Variants in TENM2 observed in about 807,000 individuals in gnomAD.
TENM2 encodes the protein teneurin transmembrane protein 2.
TENM2 carries 52 observed loss-of-function variants against 245.2 expected under a neutral mutation model. The observed-to-expected ratio is 0.21, with a 90% CI of 0.17 to 0.27. The LOEUF (loss-of-function observed/expected upper bound fraction) is 0.27, where lower values mean the gene tolerates loss of function less well. TENM2 is among the 10% of genes least tolerant of loss of function. TENM2 has a pLI of 1.00. For synonymous variants in TENM2, 1,363 were observed against 1,438.9 expected, an observed-to-expected ratio of 0.95 and a Z score of 1.19; for missense variants, 3,046 against 3,666.8, an observed-to-expected ratio of 0.83 and a Z score of 4.37.
intron 2 of TENM2, among the ~76,000 whole-genome samples, chr5:167,629,278 T>A (rs1778712964): frequency 6.6e-6 from 1 of 152,218 alleles, no homozygotes; most frequent in South Asian, 2.1e-4. Flanking sequence ...TTTCTTAATG[T>A]CTACATGCCT....
intron 3 of TENM2, among the ~76,000 whole-genome samples, chr5:167,879,667 T>C (rs778608210): frequency 1.3e-5 from 2 of 152,122 alleles, no homozygotes; most frequent in Non-Finnish European, 2.9e-5. Context: ...CTGTGAAACA[T>C]TGAGGTTTTT....
the TENM2 span, among the ~76,000 whole-genome samples, chr5:167,058,092 A>C: frequency 7.6e-4 from 115 of 152,222 alleles, no homozygotes; most frequent in Middle Eastern, 3.4e-3. Flanking sequence ...AGTTTGACCA[A>C]TGACCTCACT....
chr5:167,598,829 C>A (rs1776399532), intron 2 of TENM2, among the ~76,000 whole-genome samples: 1 of 152,016 alleles, frequency 6.6e-6, no homozygotes, highest in Admixed American at 6.6e-5. Context: ...AAAAGTGATT[C>A]TCTTAAACTG....
At chr5:167,274,581 CTTTCT>C in the TENM2 span, among the ~76,000 whole-genome samples, 1 of 148,232 alleles carries the variant, frequency 6.7e-6, no homozygotes, top group East Asian at 2.0e-4. Flanking sequence ...TTCTTTCTTT[CTTTCT>C]TTTTTTTTTT....
At chr5:167,279,060 GT>G in the TENM2 span, among the ~76,000 whole-genome samples, 1 of 152,146 alleles carries the variant, frequency 6.6e-6, no homozygotes, top group South Asian at 2.1e-4. Flanking sequence ...TAGGATTGTA[GT>G]TTGAAGATTC....
At chr5:167,605,936 A>T (rs1014055664) in intron 2 of TENM2, among the ~76,000 whole-genome samples, 1 of 152,166 alleles carries the variant, frequency 6.6e-6, no homozygotes, top group Non-Finnish European at 1.5e-5. Context: ...AGAAATTTGT[A>T]GTGTTAAAAG....
intron 1 of TENM2, among the ~76,000 whole-genome samples, chr5:167,367,453 G>A (rs1234725253): frequency 6.6e-6 from 1 of 152,030 alleles, no homozygotes; most frequent in Non-Finnish European, 1.5e-5. Context: ...AGGATTTTGG[G>A]TGAACAGTTT....
chr5:168,095,518 CT>C (rs1342230466), intron 8 of TENM2, among the ~76,000 whole-genome samples: 2 of 152,214 alleles, frequency 1.3e-5, no homozygotes, highest in Non-Finnish European at 2.9e-5. Context: ...CCTTTCGTTA[CT>C]CCATCTCAGT....
intron 5 of TENM2, among the ~76,000 whole-genome samples, chr5:168,033,933 A>G (rs1407883329): frequency 6.6e-6 from 1 of 151,882 alleles, no homozygotes; most frequent in Non-Finnish European, 1.5e-5. Flanking sequence ...AGGCTGAGGC[A>G]GGAGAATGGC....
At chr5:167,739,654 G>A (rs1252806166) in intron 2 of TENM2, among the ~76,000 whole-genome samples, 1 of 152,222 alleles carries the variant, frequency 6.6e-6, no homozygotes, top group Non-Finnish European at 1.5e-5. Flanking sequence ...GTTCAAGGAA[G>A]CAGTAAGGAC....
At chr5:167,631,643 T>C (rs951657725) in intron 2 of TENM2, among the ~76,000 whole-genome samples, 3 of 152,158 alleles carry the variant, frequency 2.0e-5, no homozygotes, top group Non-Finnish European at 2.9e-5. Context: ...ATATTCCTAC[T>C]ACTGTTCCAC....
intron 2 of TENM2, among the ~76,000 whole-genome samples, chr5:167,816,250 A>G (rs1022817476): frequency 2.0e-5 from 3 of 152,106 alleles, no homozygotes; most frequent in Admixed American, 1.3e-4. Context: ...CCCTTCCTGT[A>G]TTCCCTTTGA....
the TENM2 span, among the ~76,000 whole-genome samples, chr5:167,143,264 G>A: frequency 5.1e-3 from 781 of 152,278 alleles, 3 homozygotes; most frequent in South Asian, 0.015. Context: ...CTATAAAATG[G>A]TTTGCTTGGC....
chr5:167,839,971 C>G (rs1388230998), intron 2 of TENM2, among the ~76,000 whole-genome samples: 1 of 152,190 alleles, frequency 6.6e-6, no homozygotes, highest in Non-Finnish European at 1.5e-5. Context: ...GCATGCGCCA[C>G]CACGCCCTGC....
At chr5:167,030,908 G>C in the TENM2 span, among the ~76,000 whole-genome samples, 1 of 152,164 alleles carries the variant, frequency 6.6e-6, no homozygotes, top group African/African-American at 2.4e-5. Flanking sequence ...TATTATAACG[G>C]AAAGGCCTTC....
intron 1 of TENM2, among the ~76,000 whole-genome samples, chr5:167,341,463 GCTT>G (rs1758092549): frequency 6.6e-6 from 1 of 151,822 alleles, no homozygotes; most frequent in African/African-American, 2.4e-5. Flanking sequence ...AAATTTTACA[GCTT>G]CTTTTTTTCT....
chr5:168,248,280 C>T lies in TENM2; in HGVS notation c.7341C>T (p.Asn2447=), dbSNP rs1255686621. ...CCCCAGACTATACCATGTGGAAAAA[C>T]GTGGGCAAGGAGCCGGCCCCCTTTA... The change falls in exon 27 of 29, where the codon AAC becomes AAT. Residue 2447 remains asparagine (N), a synonymous_variant. Coordinates refer to ENST00000518659, the Ensembl canonical transcript of TENM2. 39 of 1,613,896 alleles carry T rather than the reference C, an allele frequency of 2.4e-5. 1 individual carries two copies. The Middle Eastern group carries it at 4.9e-4, about 20-fold the overall frequency.
chr5:167,988,909 A>G (rs1783444995), intron 4 of TENM2, among the ~76,000 whole-genome samples: 1 of 152,238 alleles, frequency 6.6e-6, no homozygotes, highest in Non-Finnish European at 1.5e-5. Flanking sequence ...TATGCAAGAT[A>G]TAATCATATC....
the TENM2 span, among the ~76,000 whole-genome samples, chr5:167,092,290 C>T: frequency 3.9e-5 from 6 of 152,192 alleles, no homozygotes; most frequent in Non-Finnish European, 5.9e-5. Context: ...ACATATGGCC[C>T]GTGACTGCTT....
Sources: allele counts gnomAD v4.1 joint callset (sites outside exome capture counted in the v4.1 genomes callset), GRCh38; gene constraint gnomAD v4.1.1; transcripts MANE v1.5; gene names NCBI Gene and HGNC (gene_info 2026-07-23, HGNC 2026-07-21).